Variants in WDFY4 observed in about 807,000 individuals in gnomAD.
The protein encoded by WDFY4 is WD repeat- and FYVE domain-containing protein 4.
Under a neutral mutation model 351.9 loss-of-function variants are expected in WDFY4, and 169 were observed. The observed-to-expected ratio is 0.48, with a 90% confidence interval of 0.42 to 0.55. WDFY4 has a LOEUF of 0.55. WDFY4 is among the 20% of genes least tolerant of loss of function. WDFY4 has a pLI of 0.00. For missense variants in WDFY4, 3,803 were observed against 3,935.6 expected (o/e 0.97, Z 0.90); for synonymous variants, 1,622 against 1,574.6 (o/e 1.03, Z -0.71).
At chr10:48,857,778 TG>T (rs1293967611) in intron 39 of WDFY4, among the ~76,000 whole-genome samples, 3 of 152,168 alleles carry the variant, frequency 2.0e-5, no homozygotes, top group Admixed American at 2.0e-4. Context: ...TGATATTTTT[TG>T]TTTTTTACTT....
At chr10:48,750,825 G>A (rs764896865) in intron 12 of WDFY4, among the ~76,000 whole-genome samples, 1 of 152,250 alleles carries the variant, frequency 6.6e-6, no homozygotes, top group Non-Finnish European at 1.5e-5. Flanking sequence ...ATAAGATGGT[G>A]TTCAAATCTC....
chr10:48,789,866 T>C lies in WDFY4; in HGVS notation c.3955-8T>C, dbSNP rs771986583. Reference sequence around the variant, plus strand: ...TTTCTTAGGACTAATTGCTGCTCATTTCTCTAGATGAACATTTCATCCCGT... The same window carrying C: ...TTTCTTAGGACTAATTGCTGCTCATCTCTCTAGATGAACATTTCATCCCGT... On this transcript the variant is annotated splice_region_variant and splice_polypyrimidine_tract_variant and intron_variant, in intron 21 of 61. Coordinates refer to ENST00000325239, the MANE Select transcript of WDFY4 (RefSeq NM_001394531.1). 6.4e-7 allele frequency: 1 copy of C among 1,552,326 alleles called. No individual in the cohort carries two copies. The highest frequency in any genetic ancestry group is 1.2e-5 in the South Asian group (1 of 84,064).
chr10:48,851,714 T>C (rs2133177534), intron 39 of WDFY4, among the ~76,000 whole-genome samples: 1 of 152,336 alleles, frequency 6.6e-6, no homozygotes, highest in Admixed American at 6.5e-5. Context: ...GGTTAGCGGG[T>C]GTTTCCTGCG....
chr10:48,790,598 G>A, intron 22 of WDFY4, 129 bp from the exon 23 acceptor site: 1 of 1,046,230 alleles, frequency 9.6e-7, no homozygotes, highest in Non-Finnish European at 1.4e-6. Context: ...TGTCCCAGGT[G>A]CACAGGTCCC....
intron 36 of WDFY4, among the ~76,000 whole-genome samples, chr10:48,827,803 C>T (rs2068054852): frequency 6.6e-6 from 1 of 151,830 alleles, no homozygotes; most frequent in African/African-American, 2.4e-5. Flanking sequence ...CTCTGGGAAG[C>T]CCTGGGAAAC....
At chr10:48,701,959 C>T (rs902207994) in intron 1 of WDFY4, among the ~76,000 whole-genome samples, 4 of 152,202 alleles carry the variant, frequency 2.6e-5, no homozygotes, top group Non-Finnish European at 4.4e-5. Context: ...GGACTAAAAT[C>T]CCCACCTCTG....
At chr10:48,967,274 A>T (rs1404211229) in intron 55 of WDFY4, 1 of 152,298 alleles carries the variant, frequency 6.6e-6, no homozygotes, top group African/African-American at 2.4e-5. Context: ...AATAGCATTG[A>T]ATGGATGCTA....
intron 9 of WDFY4, 40 bp from the exon 10 acceptor site, chr10:48,733,891 G>A: frequency 6.5e-7 from 1 of 1,535,226 alleles, no homozygotes; most frequent in Non-Finnish European, 8.8e-7. Context: ...CATACCACAT[G>A]TACTTAATTT....
chr10:48,832,389 G>T (rs1251468478), intron 38 of WDFY4, among the ~76,000 whole-genome samples, 184 bp from the exon 39 acceptor site: 1 of 152,254 alleles, frequency 6.6e-6, no homozygotes, highest in South Asian at 2.1e-4. Flanking sequence ...AAAGCCCACA[G>T]TGTTTCTTAG....
intron 2 of WDFY4, among the ~76,000 whole-genome samples, chr10:48,718,329 A>G (rs1373660551): frequency 6.6e-6 from 1 of 152,218 alleles, no homozygotes; most frequent in Non-Finnish European, 1.5e-5. Flanking sequence ...TGTTTATAGA[A>G]TCTTTTAATA....
chr10:48,822,457 C>G lies in WDFY4; in HGVS notation c.5902C>G (p.Leu1968Val), dbSNP rs999494038. ...LANISCFTQK[L>V]VEKLYSGMFS... ...CAACATCTCCTGCTTCACCCAGAAG[C>G]TGGTGGAGAAGCTGTACAGTGGGAT... Residue 1968 changes from leucine (L) to valine (V), a missense_variant, in exon 35 of 62, where the codon CTG (leucine) becomes GTG (valine). Physicochemically the swap from Leu to Val is conservative, Grantham distance 32 (BLOSUM62 1). Transcript: ENST00000325239. 2 of 1,551,346 alleles carry G rather than the reference C, an allele frequency of 1.3e-6. No homozygotes were observed. The highest frequency in any genetic ancestry group is 2.7e-5 in the African/African-American group (2 of 73,064).
Position 48,862,567 on chromosome 10 carries a change from T to C in WDFY4, c.6664-4698T>C, listed in dbSNP as rs145420488. ...GACCATATAGTTGCAAAGAAACAGCTCAAGGTTGTTCTATATTATTGTGAG... is the reference window on the plus strand; with the variant it reads ...GACCATATAGTTGCAAAGAAACAGCCCAAGGTTGTTCTATATTATTGTGAG... On this transcript the variant is annotated intron_variant, in intron 39 of 61. Transcript: ENST00000325239. Among the ~76,000 whole-genome samples the C allele has an allele frequency of 1.6e-3, 244 of 152,312 alleles. 1 individual carries two copies. Among genetic ancestry groups the C allele is most frequent in the Middle Eastern group, 3.4e-3 (1 of 294 alleles).
intron 39 of WDFY4, among the ~76,000 whole-genome samples, chr10:48,863,873 C>A (rs929966024): frequency 7.2e-5 from 11 of 152,166 alleles, no homozygotes; most frequent in Non-Finnish European, 1.3e-4. Flanking sequence ...AAGGCACCTT[C>A]TTCACAAGGT....
chr10:48,770,911 A>G (rs2132588212), intron 13 of WDFY4, among the ~76,000 whole-genome samples: 1 of 152,326 alleles, frequency 6.6e-6, no homozygotes, highest in Admixed American at 6.5e-5. Context: ...ATGCTGGCAA[A>G]TGGTCACATT....
intron 51 of WDFY4, among the ~76,000 whole-genome samples, chr10:48,950,379 A>G (rs1564522990): frequency 6.6e-6 from 1 of 152,136 alleles, no homozygotes; most frequent in African/African-American, 2.4e-5. Flanking sequence ...TCAGTTTCCT[A>G]CGGCTGAGTC....
chr10:48,729,739 C>G (rs1161147289), intron 8 of WDFY4, 150 bp downstream of exon 8: 1 of 1,068,540 alleles, frequency 9.4e-7, no homozygotes, highest in African/African-American at 1.6e-5. Flanking sequence ...ATGAATATCT[C>G]CCATGGGACT....
chr10:48,753,734 C>T (rs998153417), intron 12 of WDFY4, among the ~76,000 whole-genome samples: 1 of 152,178 alleles, frequency 6.6e-6, no homozygotes, highest in Non-Finnish European at 1.5e-5. Flanking sequence ...CTTATGTCAG[C>T]TCCACTGTTT....
At chr10:48,740,772 C>T (rs1163778098) in intron 11 of WDFY4, among the ~76,000 whole-genome samples, 1 of 152,206 alleles carries the variant, frequency 6.6e-6, no homozygotes, top group Non-Finnish European at 1.5e-5. Context: ...TGACTGCCCC[C>T]TTTAGTGGGT....
At chr10:48,844,028 A>G (rs1365269610) in intron 39 of WDFY4, among the ~76,000 whole-genome samples, 1 of 152,080 alleles carries the variant, frequency 6.6e-6, no homozygotes, top group Non-Finnish European at 1.5e-5. Context: ...GCCATTCACA[A>G]CCCGCTAGGC....
Sources: gnomAD v4.1 joint callset for allele counts (sites outside exome capture counted in the v4.1 genomes callset) on GRCh38, gnomAD v4.1.1 for gene constraint, MANE v1.5 for transcripts, NCBI Gene and HGNC (gene_info 2026-07-23, HGNC 2026-07-21) for gene names.